Variants in NTAQ1 observed in about 807,000 individuals in gnomAD.
NTAQ1 encodes the protein N-terminal glutamine amidase 1, also known as protein N-terminal glutamine amidohydrolase.
Under a neutral mutation model 28.2 loss-of-function variants are expected in NTAQ1, and 21 were observed. The observed-to-expected ratio is 0.74, with a 90% CI of 0.53 to 1.07. The LOEUF is 1.07. NTAQ1 is among the 50% of genes least tolerant of loss of function. The pLI, the probability that NTAQ1 is intolerant of heterozygous loss-of-function variation, is 0.00. For missense variants in NTAQ1, 264 were observed against 256.6 expected (o/e 1.03, Z -0.20); for synonymous variants, 105 against 90.0 (o/e 1.17, Z -0.94).
At chr8:123,458,782 G>A (rs1031562362) in intron 6 of NTAQ1, among the ~76,000 whole-genome samples, 35 of 151,568 alleles carry the variant, frequency 2.3e-4, no homozygotes, top group Admixed American at 9.9e-4. Context: ...CAGCACGCCC[G>A]GCTAATTTTT....
chr8:123,417,084 C>A, intron 1 of NTAQ1, 152 bp downstream of exon 1: 1 of 733,716 alleles, frequency 1.4e-6, no homozygotes, highest in East Asian at 3.4e-5. Context: ...GCGGGAATGG[C>A]AGCTCTCGTC....
intron 1 of NTAQ1, among the ~76,000 whole-genome samples, chr8:123,425,336 C>T (rs963109197): frequency 1.3e-5 from 2 of 152,098 alleles, no homozygotes; most frequent in Admixed American, 6.6e-5. Context: ...AGGTGATCCA[C>T]GTGCCTCAGC....
chr8:123,452,532 G>T (rs1362559361), downstream of NTAQ1, among the ~76,000 whole-genome samples: 1 of 152,118 alleles, frequency 6.6e-6, no homozygotes, highest in Non-Finnish European at 1.5e-5. Flanking sequence ...AGGAGGCAGA[G>T]GTTGCAGTGA....
chr8:123,450,935 T>G (rs10956134), downstream of NTAQ1, among the ~76,000 whole-genome samples: 55,125 of 152,120 alleles, frequency 0.36, 10,105 homozygotes, highest in East Asian at 0.56. Context: ...ACCACCACTT[T>G]GCAATGGCCT....
chr8:123,472,264 G>A (rs1436696580), downstream of NTAQ1, among the ~76,000 whole-genome samples: 1 of 152,208 alleles, frequency 6.6e-6, no homozygotes, highest in East Asian at 1.9e-4. Flanking sequence ...CTAAAGCAGA[G>A]TGGGTGAAAT....
chr8:123,432,294 G>A (rs1814443870), intron 3 of NTAQ1, among the ~76,000 whole-genome samples: 1 of 152,126 alleles, frequency 6.6e-6, no homozygotes, highest in Non-Finnish European at 1.5e-5. Flanking sequence ...ATGGATAAAA[G>A]TCTATGACAT....
downstream of NTAQ1, among the ~76,000 whole-genome samples, chr8:123,447,144 C>CT (rs35042855): frequency 0.36 from 54,890 of 151,526 alleles, 10,052 homozygotes; most frequent in East Asian, 0.56. Flanking sequence ...TATAAATATG[C>CT]TTTTTCACTG....
chr8:123,442,726 C>T (rs34670903), downstream of NTAQ1, among the ~76,000 whole-genome samples: 54,984 of 150,036 alleles, frequency 0.37, 10,076 homozygotes, highest in East Asian at 0.57. Context: ...TGGAGTGCAG[C>T]GGCACGATCT....
rs754352570 is a variant in NTAQ1 at position 123,427,907 on chromosome 8, C to G, written c.84-17C>G. 26 of 1,553,530 alleles carry G rather than the reference C, an allele frequency of 1.7e-5. No homozygotes were observed. The African/African-American group carries it at 3.0e-4, about 18-fold the overall frequency. ...AGAATGTTCTCTAATCTTGATTAAA[C>G]AATTATTTTATTTCAGTGAAGAAAA... On this transcript the variant is annotated splice_polypyrimidine_tract_variant and intron_variant, in intron 1 of 5. Transcript: ENST00000287387.
chr8:123,438,673 A>C (rs983111700), intron 5 of NTAQ1, among the ~76,000 whole-genome samples: 2 of 17,258 alleles, frequency 1.2e-4, no homozygotes, highest in African/African-American at 2.5e-4. Flanking sequence ...ATTCCATCTC[A>C]AAAAAAAAAA....
chr8:123,431,337 CAAAAAA>C (rs35552563), intron 3 of NTAQ1, among the ~76,000 whole-genome samples: 9 of 124,230 alleles, frequency 7.2e-5, no homozygotes, highest in Admixed American at 3.3e-4. Context: ...AACTCCATAT[CAAAAAA>C]AAAAAAAAAA....
At chr8:123,442,547 A>G (rs188799507), downstream of NTAQ1, among the ~76,000 whole-genome samples, 873 of 149,908 alleles carry the variant, frequency 5.8e-3, 42 homozygotes, top group Admixed American at 0.054. Flanking sequence ...GTGAGCTGAG[A>G]TCATGCTGCT....
chr8:123,425,927 G>T lies in NTAQ1; in HGVS notation c.84-1997G>T, dbSNP rs543901334. Among the ~76,000 whole-genome samples the T allele has an allele frequency of 2.0e-5, 3 of 152,312 alleles. No individual in the cohort carries two copies. In the South Asian group the frequency reaches 6.2e-4, roughly 32 times the overall value. ...TAGTCCCAGCTACTTGGGAGGCTGA[G>T]GCAGGAGAATCGCTTGAATCCAGGA... On this transcript the variant is annotated intron_variant, in intron 1 of 5. Coordinates refer to ENST00000287387, the MANE Select transcript of NTAQ1 (RefSeq NM_018024.3).
intron 6 of NTAQ1, among the ~76,000 whole-genome samples, chr8:123,456,177 C>T (rs577169809): frequency 6.6e-6 from 1 of 152,292 alleles, no homozygotes; most frequent in South Asian, 2.1e-4. Context: ...GCAGAGGTTC[C>T]TATAATCTGA....
intron 6 of NTAQ1, among the ~76,000 whole-genome samples, chr8:123,466,041 T>C (rs1586973611): frequency 6.6e-6 from 1 of 151,818 alleles, no homozygotes; most frequent in East Asian, 1.9e-4. Flanking sequence ...TCTGGGAGGG[T>C]GAGAGGAAGC....
At chr8:123,461,265 A>C (rs1815816059) in intron 6 of NTAQ1, among the ~76,000 whole-genome samples, 1 of 152,104 alleles carries the variant, frequency 6.6e-6, no homozygotes, top group Non-Finnish European at 1.5e-5. Flanking sequence ...CTTGGTCCCC[A>C]GCTGCCCACA....
chr8:123,466,582 C>T (rs1165027396), intron 6 of NTAQ1, among the ~76,000 whole-genome samples: 1 of 152,232 alleles, frequency 6.6e-6, no homozygotes. Context: ...GAAAGTGACA[C>T]AGCAGGCAGG....
downstream of NTAQ1, among the ~76,000 whole-genome samples, chr8:123,443,370 G>C (rs992821374): frequency 3.3e-5 from 5 of 152,192 alleles, no homozygotes; most frequent in African/African-American, 1.2e-4. Context: ...CAGACTGCCC[G>C]GAGCTGCTCC....
At chr8:123,442,957 C>T (rs556015841), downstream of NTAQ1, among the ~76,000 whole-genome samples, 8 of 152,046 alleles carry the variant, frequency 5.3e-5, no homozygotes, top group South Asian at 4.2e-4. Flanking sequence ...CATGAGCCAC[C>T]GCGCCCGGCC....
Sources: gnomAD v4.1 joint callset for allele counts (sites outside exome capture counted in the v4.1 genomes callset) on GRCh38, gnomAD v4.1.1 for gene constraint, MANE v1.5 for transcripts, NCBI Gene and HGNC (gene_info 2026-07-23, HGNC 2026-07-21) for gene names.